PITPNM3: variants seen among roughly 807,000 people sequenced by gnomAD.
PITPNM3 encodes membrane-associated phosphatidylinositol transfer protein 3.
A neutral mutation model predicts 102.0 loss-of-function variants in PITPNM3; 26 were observed. The ratio of observed to expected loss-of-function variants is 0.25; its 90% CI spans 0.19 to 0.35. PITPNM3 has a LOEUF of 0.35. PITPNM3 is among the 10% of genes least tolerant of loss of function. PITPNM3 has a pLI of 1.00. For missense variants in PITPNM3, 1,083 were observed against 1,346.1 expected (o/e 0.80, Z 3.06); for synonymous variants, 578 against 558.6 (o/e 1.03, Z -0.49).
Position 6,526,118 on chromosome 17 carries a change from G to A in PITPNM3, c.119-655C>T, listed in dbSNP as rs150225428. ...CCTTTAGCCCCCATCTGAACTTTAT[G>A]ACCCTCTTAATTCCTCCATTCTCTC... On this transcript the variant is annotated intron_variant, in intron 2 of 19. Transcript: ENST00000262483. Among the ~76,000 whole-genome samples, 529 of 152,240 alleles carry A rather than the reference G, an allele frequency of 3.5e-3. 5 individuals are homozygous for A. Among genetic ancestry groups the A allele is most frequent in the African/African-American group, 0.012 (506 of 41,532 alleles).
Position 6,478,659 on chromosome 17 carries a change from A to C in PITPNM3, c.665T>G (p.Leu222Trp). The change falls in exon 7 of 20, where the codon TTG (leucine) becomes TGG (tryptophan). Residue 222 changes from leucine to tryptophan, a missense_variant. By Grantham distance (61) the Leu-to-Trp change is moderately conservative (BLOSUM62 -2). Around this residue, in one of 5 missense-constraint regions of PITPNM3, gnomAD observed 290 missense variants for 337.8 expected, o/e 0.86. Transcript: ENST00000262483. This position sits in a 1 kb window ranked among gnomAD's most constrained non-coding sequence, Gnocchi z 4.4. ...CTGGTACTGCGGGGAGGAGATGGCC[A>C]ACAGGGGAAGGGCGGCCAGAGGGAC... ...DHVPLAALPLLAISSPQYQDA... is the reference protein window; with the variant it reads ...DHVPLAALPLWAISSPQYQDA... 1 of 1,613,610 alleles carries C rather than the reference A, an allele frequency of 6.2e-7. No individual in the cohort carries two copies. Among genetic ancestry groups the C allele is most frequent in the Non-Finnish European group, 8.5e-7 (1 of 1,179,844 alleles).
Position 6,459,435 on chromosome 17 carries a change from C to G in PITPNM3, c.2491-1713G>C, listed in dbSNP as rs1004358105. Among the ~76,000 whole-genome samples the G allele has an allele frequency of 1.3e-5, 2 of 152,040 alleles. No individual in the cohort carries two copies. The highest frequency in any genetic ancestry group is 1.3e-4 in the Admixed American group (2 of 15,274). On this transcript the variant is annotated intron_variant, in intron 18 of 19. Transcript: ENST00000262483. This position sits in a 1 kb window ranked among gnomAD's most constrained non-coding sequence, Gnocchi z 5.0. ...TGCTGCTCTCAGTGGCCCAGCACAG[C>G]CTCTTCTAACGCCTCATCTCCCGTC...
chr17:6,511,746 G>A (rs980463970), intron 3 of PITPNM3, among the ~76,000 whole-genome samples: 1 of 152,144 alleles, frequency 6.6e-6, no homozygotes, highest in Non-Finnish European at 1.5e-5. Context: ...CACTTAGGGA[G>A]GCCGAGGTGG....
intron 17 of PITPNM3, 120 bp downstream of exon 17, chr17:6,463,612 C>A: frequency 7.2e-7 from 1 of 1,397,518 alleles, no homozygotes. Context: ...GGCTTCTCAG[C>A]TCGCAGCCCC....
intron 3 of PITPNM3, among the ~76,000 whole-genome samples, chr17:6,514,783 C>A (rs1365763498): frequency 1.3e-5 from 2 of 152,186 alleles, no homozygotes; most frequent in Admixed American, 6.5e-5. Context: ...AACATATCCA[C>A]ACAAAAACTT....
chr17:6,464,028 G>T, intron 16 of PITPNM3, 142 bp downstream of exon 16: 1 of 1,537,006 alleles, frequency 6.5e-7, no homozygotes, highest in Non-Finnish European at 8.9e-7. Context: ...CACGGCTGGT[G>T]ACCTCTCCCA....
At chr17:6,545,493 G>A (rs1334739468) in intron 1 of PITPNM3, among the ~76,000 whole-genome samples, 1 of 152,042 alleles carries the variant, frequency 6.6e-6, no homozygotes, top group African/African-American at 2.4e-5. Context: ...GGCTTGCCTT[G>A]TCTGCTCCCT....
At chr17:6,491,688 T>C (rs1374981844) in intron 4 of PITPNM3, among the ~76,000 whole-genome samples, 2 of 151,860 alleles carry the variant, frequency 1.3e-5, no homozygotes, top group Admixed American at 6.6e-5. Context: ...GCTCCTAGCA[T>C]TGCAGAAAAG....
At chr17:6,550,581 T>G (rs983937461) in intron 1 of PITPNM3, among the ~76,000 whole-genome samples, 8 of 152,208 alleles carry the variant, frequency 5.3e-5, no homozygotes, top group African/African-American at 1.9e-4. Context: ...TGAAAGGGTC[T>G]GGTCTCTGTC....
In PITPNM3 at chr17:6,457,075, C is replaced by T. The variant is rs1914150161; in HGVS notation, c.2619+519G>A. Among the ~76,000 whole-genome samples, 1 of 151,982 alleles carries T rather than the reference C, an allele frequency of 6.6e-6. No homozygotes were observed. The highest frequency in any genetic ancestry group is 1.5e-5 in the Non-Finnish European group (1 of 67,990). On this transcript the variant is annotated intron_variant, in intron 19 of 19. Coordinates refer to ENST00000262483, the MANE Select transcript of PITPNM3 (RefSeq NM_031220.4). This position sits in a 1 kb window ranked among gnomAD's most constrained non-coding sequence, Gnocchi z 4.7. ...CCGCACTGACCGTTCTAGCCCCGCC[C>T]CCCCACCTCCCAGCTCACGTCCCAT...
At chr17:6,473,431 G>A (rs1016109856) in intron 10 of PITPNM3, among the ~76,000 whole-genome samples, 13 of 152,110 alleles carry the variant, frequency 8.5e-5, no homozygotes, top group African/African-American at 2.4e-4. Flanking sequence ...GTTCATTAGC[G>A]ACACTGAGGG....
chr17:6,474,790 A>C (rs912165640), intron 9 of PITPNM3, among the ~76,000 whole-genome samples, 186 bp from the exon 10 acceptor site: 1 of 152,246 alleles, frequency 6.6e-6, no homozygotes, highest in African/African-American at 2.4e-5. Context: ...GGCCTGGCTG[A>C]TATTTGGCTA....
intron 1 of PITPNM3, among the ~76,000 whole-genome samples, chr17:6,549,200 C>T (rs1161609631): frequency 1.3e-5 from 2 of 152,112 alleles, no homozygotes; most frequent in African/African-American, 4.8e-5. Flanking sequence ...CAACCCCCCG[C>T]AGCCCCTTGC....
At chr17:6,487,787 G>A (rs970597268) in intron 4 of PITPNM3, among the ~76,000 whole-genome samples, 5 of 152,102 alleles carry the variant, frequency 3.3e-5, no homozygotes, top group African/African-American at 9.7e-5. Context: ...GCATCAAATC[G>A]GTGGATGACT....
In PITPNM3 at chr17:6,458,883, CAG is replaced by C. The variant is rs1478619959; in HGVS notation, c.2491-1163_2491-1162del. Among the ~76,000 whole-genome samples, 1 of 152,092 alleles carries C rather than the reference CAG, an allele frequency of 6.6e-6. No individual in the cohort carries two copies. The highest frequency in any genetic ancestry group is 2.4e-5 in the African/African-American group (1 of 41,408). The stretch of plus-strand genomic sequence containing the variant: ...TGCCCACCGAGAGCTGCTAAAGAAA[CAG>C]AGCCACGCAGCTCTCACCTTCCATC... On this transcript the variant is annotated intron_variant, in intron 18 of 19. Coordinates refer to ENST00000262483, the MANE Select transcript of PITPNM3 (RefSeq NM_031220.4). This position sits in a 1 kb window ranked among gnomAD's most constrained non-coding sequence, Gnocchi z 5.1.
Position 6,464,220 on chromosome 17 carries a change from C to G in PITPNM3, c.2106G>C (p.Pro702=), listed in dbSNP as rs199988049. The G allele has an allele frequency of 1.1e-4, 183 of 1,614,034 alleles. No homozygotes were observed. Among genetic ancestry groups the G allele is most frequent in the Non-Finnish European group, 1.5e-4 (175 of 1,180,024 alleles). The change falls in exon 16 of 20, where the codon CCG becomes CCC. Residue 702 remains proline, a synonymous_variant. Transcript: ENST00000262483. ...NSSGRITYNV[P]RPRRLGVGVY... ...CACCAACCCCCAGGCGCCGGGGCCG[C>G]GGCACATTGTATGTGATGCGACCAC...
chr17:6,483,749 C>T lies in PITPNM3; in HGVS notation c.355G>A (p.Gly119Ser), dbSNP rs976769360. ...SIEIHEDSEEGCPQRSCKTHV... is the reference protein window; with the variant it reads ...SIEIHEDSEESCPQRSCKTHV... ...GTCTTGCAGGAGCGCTGCGGGCAGCCTTCCTGAGAGCCAAGGCGGTTGGAA... is the reference window on the plus strand; with the variant it reads ...GTCTTGCAGGAGCGCTGCGGGCAGCTTTCCTGAGAGCCAAGGCGGTTGGAA... The change falls in exon 6 of 20, where the codon GGC becomes AGC. Residue 119 changes from glycine (G) to serine (S), a missense_variant. Physicochemically the swap from Gly to Ser is moderately conservative, Grantham distance 56 (BLOSUM62 0). Transcript: ENST00000262483. The T allele has an allele frequency of 5.0e-6, 8 of 1,611,728 alleles. No individual in the cohort carries two copies. In the African/African-American group the frequency reaches 9.3e-5, roughly 19 times the overall value.
intron 4 of PITPNM3, among the ~76,000 whole-genome samples, chr17:6,495,622 C>T (rs1442844724): frequency 1.3e-5 from 2 of 152,130 alleles, no homozygotes; most frequent in Non-Finnish European, 2.9e-5. Flanking sequence ...CTGGGGTCCT[C>T]GTGCTCACCG....
chr17:6,525,902 T>C (rs1252533646), intron 2 of PITPNM3, among the ~76,000 whole-genome samples: 1 of 152,184 alleles, frequency 6.6e-6, no homozygotes, highest in Non-Finnish European at 1.5e-5. Context: ...TTAAATGAGA[T>C]AATGGATGTA....
Sources: allele counts gnomAD v4.1 joint callset (sites outside exome capture counted in the v4.1 genomes callset), GRCh38; gene constraint gnomAD v4.1.1; regional missense constraint gnomAD v4.1.1; non-coding constraint Gnocchi (gnomAD v3.1); transcripts MANE v1.5; gene names NCBI Gene and HGNC (gene_info 2026-07-23, HGNC 2026-07-21).